The following DGKK variants were observed in gnomAD, a reference collection of about 807,000 sequenced individuals.
DGKK encodes the protein diacylglycerol kinase kappa, also known as 142 kDa diacylglycerol kinase.
A neutral mutation model predicts 92.2 loss-of-function variants in DGKK; 35 were observed. The ratio of observed to expected loss-of-function variants is 0.38; its 90% confidence interval spans 0.29 to 0.50. The LOEUF (loss-of-function observed/expected upper bound fraction) is 0.50, where lower values mean the gene tolerates loss of function less well. Ranked by LOEUF, DGKK falls within the 20% of genes least tolerant of loss-of-function variation. DGKK has a pLI of 0.92. For synonymous variants in DGKK, 368 were observed against 360.6 expected (o/e 1.02, Z -0.23); for missense variants, 910 against 992.2 (o/e 0.92, Z 1.11).
At chrX:50,433,487 GCA>G (rs781808931) in intron 1 of DGKK, among the ~76,000 whole-genome samples, 31 of 111,551 alleles carry the variant, frequency 2.8e-4, no homozygotes, top group African/African-American at 9.8e-4. Context: ...TGGAATATGT[GCA>G]CAGTTACAGG....
In DGKK at chrX:50,366,572, A is replaced by T. The variant is rs1172077807; in HGVS notation, c.*2368T>A. The T allele has an allele frequency of 8.9e-6, 1 of 112,342 alleles. No homozygotes were observed. Among genetic ancestry groups the T allele is most frequent in the African/African-American group, 3.2e-5 (1 of 30,875 alleles). 9.3% of individuals were successfully genotyped at this position (112,342 alleles called of 1,213,427 possible). ...AAGAGATGGAGTCTTATTACAGTTT[A>T]CTATCATCAGTGATAAAAATAATTA... On this transcript the variant is annotated 3_prime_UTR_variant, in exon 28 of 28. Coordinates refer to ENST00000611977, the MANE Select transcript of DGKK (RefSeq NM_001013742.4).
chrX:50,378,351 G>T, intron 21 of DGKK, 119 bp from the exon 22 acceptor site: 1 of 980,626 alleles, frequency 1.0e-6, no homozygotes, highest in Non-Finnish European at 1.4e-6. Flanking sequence ...GAAAGGATGT[G>T]AATCAGATCA....
Position 50,403,408 on chromosome X carries a change from G to A in DGKK, c.1185+83C>T, listed in dbSNP as rs143045359. 5.7e-3 allele frequency: 5,552 copies of A among 980,843 alleles called. 26 individuals carry two copies. Among genetic ancestry groups the A allele is most frequent in the Non-Finnish European group, 5.5e-3 (3,810 of 692,159 alleles). 80.8% of individuals were successfully genotyped at this position (980,843 alleles called of 1,213,427 possible). On this transcript the variant is annotated intron_variant, in intron 6 of 27. Transcript: ENST00000611977. ...TAGGACTTTGCTTATCTGGAGTTAG[G>A]AAGAAGTCTTCCTCCCCCTGTGTAT...
chrX:50,449,830 C>A (rs1602301897), intron 1 of DGKK, among the ~76,000 whole-genome samples: 1 of 111,911 alleles, frequency 8.9e-6, no homozygotes. Flanking sequence ...GTCAATCCCT[C>A]GAATTGACTT....
At chrX:50,452,742 T>A (rs1288945176) in intron 1 of DGKK, among the ~76,000 whole-genome samples, 1 of 112,341 alleles carries the variant, frequency 8.9e-6, no homozygotes, top group Middle Eastern at 4.2e-3. Context: ...AAAATACCTT[T>A]GAGCCTAGAA....
chrX:50,371,088 C>G (rs1557223117), intron 26 of DGKK, among the ~76,000 whole-genome samples: 1 of 112,861 alleles, frequency 8.9e-6, no homozygotes, highest in East Asian at 2.8e-4. Context: ...AAACATAACT[C>G]TTAATTATGA....
rs1234357905 is a variant in DGKK, at chrX:50,368,286, A to C, written c.*654T>G. On this transcript the variant is annotated 3_prime_UTR_variant, in exon 28 of 28. Coordinates refer to ENST00000611977, the MANE Select transcript of DGKK (RefSeq NM_001013742.4). Reference sequence around the variant, plus strand: ...CAGAGCACCACCTGGACATATGCAGACATACAAGCACACATAGAAAAACGC... The same window carrying C: ...CAGAGCACCACCTGGACATATGCAGCCATACAAGCACACATAGAAAAACGC... The C allele has an allele frequency of 9.0e-6, 1 of 110,925 alleles. No individual in the cohort carries two copies. The highest frequency in any genetic ancestry group is 4.0e-4 in the South Asian group (1 of 2,523). 9.1% of individuals were successfully genotyped at this position (110,925 alleles called of 1,213,427 possible).
intron 1 of DGKK, among the ~76,000 whole-genome samples, chrX:50,462,257 C>A (rs143948303): frequency 0.012 from 1,320 of 110,803 alleles, 21 homozygotes; most frequent in African/African-American, 0.04. Context: ...AGCGGGAAGC[C>A]AGCCTGGGAT....
At chrX:50,449,316 G>T (rs1372073886) in intron 1 of DGKK, among the ~76,000 whole-genome samples, 2 of 111,395 alleles carry the variant, frequency 1.8e-5, no homozygotes, top group African/African-American at 6.5e-5. Context: ...ACCTGGGAAA[G>T]ATCCACCCAA....
intron 4 of DGKK, among the ~76,000 whole-genome samples, chrX:50,419,587 A>T (rs1925520940): frequency 8.9e-6 from 1 of 112,123 alleles, no homozygotes; most frequent in South Asian, 3.7e-4. Context: ...TCTCTGTCCA[A>T]ATTCTGGTTC....
intron 25 of DGKK, among the ~76,000 whole-genome samples, chrX:50,372,529 G>C (rs1032493544): frequency 8.9e-6 from 1 of 111,913 alleles, no homozygotes; most frequent in Admixed American, 9.4e-5. Context: ...TCCTGGAAAA[G>C]AGGGTCTGTC....
At chrX:50,386,293 A>C in intron 15 of DGKK, 65 bp downstream of exon 15, 3 of 898,527 alleles carry the variant, frequency 3.3e-6, no homozygotes, top group South Asian at 4.2e-5. Flanking sequence ...CAGTGAGGCC[A>C]GTAAACCATC....
intron 7 of DGKK, among the ~76,000 whole-genome samples, chrX:50,402,244 CA>C (rs1385162864): frequency 4.5e-5 from 5 of 110,278 alleles, no homozygotes; most frequent in South Asian, 3.9e-4. Flanking sequence ...TCCGTCTCTA[CA>C]AAAAAATTAA....
rs782255382 is a variant in DGKK at position 50,457,519 on chromosome X, G to C, written c.645+12515C>G. On this transcript the variant is annotated intron_variant, in intron 1 of 27. Transcript: ENST00000611977. ...GTCCTGTTTTTATCTGTGCTTAATT[G>C]TACTGTTTTATGTGCATTTGATTTT... Among the ~76,000 whole-genome samples, 3 of 111,982 alleles carry C rather than the reference G, an allele frequency of 2.7e-5. No individual in the cohort carries two copies. The South Asian group carries it at 1.1e-3, about 42-fold the overall frequency.
intron 8 of DGKK, among the ~76,000 whole-genome samples, chrX:50,397,293 C>T (rs782396619): frequency 7.0e-4 from 79 of 112,313 alleles, no homozygotes; most frequent in Non-Finnish European, 1.3e-3. Flanking sequence ...ATTCTGTTCA[C>T]TCCAAAGAAA....
Position 50,392,369 on chromosome X carries a change from A to T in DGKK, c.1676T>A (p.Leu559Gln), listed in dbSNP as rs781948124. The stretch of plus-strand genomic sequence containing the variant: ...TTCATGTAATCCAAAGGCATCAATC[A>T]GAGATAAGACCCAGCTCACGCTGCC... ...GDGSVSWVLS[L>Q]IDAFGLHEKC... Residue 559 changes from leucine to glutamine, a missense_variant, in exon 10 of 28, where the codon CTG becomes CAG. Transcript: ENST00000611977. The T allele has an allele frequency of 8.3e-7, 1 of 1,210,515 alleles. No individual in the cohort carries two copies. Among genetic ancestry groups the T allele is most frequent in the East Asian group, 3.0e-5 (1 of 33,839 alleles).
chrX:50,371,789 C>T lies in DGKK; in HGVS notation c.3547G>A (p.Ala1183Thr). The T allele has an allele frequency of 8.3e-7, 1 of 1,207,861 alleles. No individual in the cohort carries two copies. The highest frequency in any genetic ancestry group is 1.1e-6 in the Non-Finnish European group (1 of 893,199). The change falls in exon 26 of 28, where the codon GCC (alanine) becomes ACC (threonine). Residue 1183 changes from alanine (A) to threonine (T), a missense_variant. Transcript: ENST00000611977. ...AGCTTTTTGAACTCCTTATTCATGG[C>T]ATCCAGGGCGCTTTGTAGTGCAGTC... ...DETALQSALDAMNKEFKKLSE... is the reference protein window; with the variant it reads ...DETALQSALDTMNKEFKKLSE...
rs782700953 is a variant in DGKK, at chrX:50,403,562, T to C, written c.1114A>G (p.Arg372Gly). The C allele has an allele frequency of 8.3e-7, 1 of 1,209,990 alleles. No individual in the cohort carries two copies. Among genetic ancestry groups the C allele is most frequent in the East Asian group, 3.0e-5 (1 of 33,814 alleles). The change falls in exon 6 of 28, where the codon AGA becomes GGA. Residue 372 changes from arginine to glycine, a missense_variant. Transcript: ENST00000611977. ...KVKSHRLCAL[R>G]ASKDCKWNTL... is the part of the protein sequence containing the mutation. The stretch of plus-strand genomic sequence containing the variant: ...TTCCACTTGCAGTCTTTGCTTGCTC[T>C]CAAAGCACACAATCTGTGAGATTTC...
At chrX:50,373,089 C>T (rs181596589) in intron 25 of DGKK, among the ~76,000 whole-genome samples, 1 of 112,178 alleles carries the variant, frequency 8.9e-6, no homozygotes, top group Admixed American at 9.4e-5. Flanking sequence ...CAACTAGTAA[C>T]TTAAGACAAT....
Sources: allele counts gnomAD v4.1 joint callset (sites outside exome capture counted in the v4.1 genomes callset), GRCh38; gene constraint gnomAD v4.1.1; transcripts MANE v1.5; gene names NCBI Gene and HGNC (gene_info 2026-07-23, HGNC 2026-07-21).